The following PCCA variants were observed in gnomAD, a reference collection of about 807,000 sequenced individuals.
PCCA encodes the protein propionyl-CoA carboxylase alpha chain, mitochondrial.
Under a neutral mutation model 101.3 loss-of-function variants are expected in PCCA, and 74 were observed. The ratio of observed to expected loss-of-function variants is 0.73; its 90% CI spans 0.61 to 0.89. The LOEUF is 0.89. Ranked by LOEUF, PCCA falls within the 40% of genes least tolerant of loss-of-function variation. The pLI is 0.00. For missense variants in PCCA, 891 were observed against 907.0 expected (o/e 0.98, Z 0.23); for synonymous variants, 294 against 313.6 (o/e 0.94, Z 0.66).
At chr13:100,509,846 G>GTTTTGTTTTA (rs756609879) in intron 21 of PCCA, among the ~76,000 whole-genome samples, 3 of 151,542 alleles carry the variant, frequency 2.0e-5, no homozygotes. Flanking sequence ...GTTTTGTTTT[G>GTTTTGTTTTA]TTTTGTTTTG....
At chr13:100,120,339 C>T (rs1041559179) in intron 4 of PCCA, among the ~76,000 whole-genome samples, 4 of 152,040 alleles carry the variant, frequency 2.6e-5, no homozygotes, top group Non-Finnish European at 5.9e-5. Flanking sequence ...CCGTTGTGCC[C>T]TGCTTCCTTT....
chr13:100,290,235 A>G (rs747976116), intron 12 of PCCA, among the ~76,000 whole-genome samples: 1 of 151,592 alleles, frequency 6.6e-6, no homozygotes, highest in Non-Finnish European at 1.5e-5. Context: ...TTCTTGAGAC[A>G]GGGCCTCATC....
chr13:100,341,056 G>T (rs1220424224), intron 18 of PCCA, among the ~76,000 whole-genome samples: 2 of 152,176 alleles, frequency 1.3e-5, no homozygotes, highest in Non-Finnish European at 1.5e-5. Context: ...TATCTTAGTG[G>T]CTAATGTGGT....
Position 100,262,772 on chromosome 13 carries a change from G to C in PCCA, c.760G>C (p.Gly254Arg). Residue 254 changes from glycine to arginine, a missense_variant, in exon 10 of 24, where the codon GGC (glycine) becomes CGC (arginine). Transcript: ENST00000376285. ...ATCTCAAGAAGCTGCTTCTAGTTTTGGCGATGATAGACTACTAATAGAAAA... is the reference window on the plus strand; with the variant it reads ...ATCTCAAGAAGCTGCTTCTAGTTTTCGCGATGATAGACTACTAATAGAAAA... ...LSSQEAASSF[G>R]DDRLLIEKFI... The C allele has an allele frequency of 6.9e-7, 1 of 1,441,064 alleles. No individual in the cohort carries two copies. Among genetic ancestry groups the C allele is most frequent in the Non-Finnish European group, 9.3e-7 (1 of 1,069,748 alleles). 89.3% of individuals were successfully genotyped at this position (1,441,064 alleles called of 1,614,324 possible).
intron 16 of PCCA, among the ~76,000 whole-genome samples, chr13:100,325,703 G>A (rs2068598717): frequency 6.6e-6 from 1 of 152,150 alleles, no homozygotes; most frequent in African/African-American, 2.4e-5. Context: ...AGCCTTGAAG[G>A]AAAATGATAA....
In PCCA at chr13:100,499,848, G is replaced by C. The variant is rs9557440; in HGVS notation, c.1900-15579G>C. On this transcript the variant is annotated intron_variant, in intron 21 of 23. Coordinates refer to ENST00000376285, the MANE Select transcript of PCCA (RefSeq NM_000282.4). Reference sequence around the variant, plus strand: ...AGAAGCAAAGGAAAAAATATTTCTTGTGTTTCTAATTCACAGGTTGCTTGA... The same window carrying C: ...AGAAGCAAAGGAAAAAATATTTCTTCTGTTTCTAATTCACAGGTTGCTTGA... 4.4e-3 allele frequency among the ~76,000 whole-genome samples: 668 copies of C among 152,250 alleles called. 34 individuals are homozygous for C. The East Asian group carries it at 0.099, about 23-fold the overall frequency.
intron 21 of PCCA, among the ~76,000 whole-genome samples, chr13:100,494,200 A>AT (rs1384020641): frequency 1.3e-5 from 2 of 152,080 alleles, no homozygotes; most frequent in African/African-American, 4.8e-5. Flanking sequence ...AAATAAATAA[A>AT]TAAATAAATA....
Position 100,491,500 on chromosome 13 carries a change from C to T in PCCA, c.1900-23927C>T. Reference sequence around the variant, plus strand: ...GGCAAAAATGGAAAGGGTAATTTACCAAAAAAGAAGAAAATAGATAAAAAG... The same window carrying T: ...GGCAAAAATGGAAAGGGTAATTTACTAAAAAAGAAGAAAATAGATAAAAAG... On this transcript the variant is annotated intron_variant, in intron 21 of 23. Transcript: ENST00000376285. 9 of 364,922 alleles carry T rather than the reference C, an allele frequency of 2.5e-5. No individual in the cohort carries two copies. The South Asian group carries it at 2.5e-4, about 10-fold the overall frequency. 22.6% of individuals were successfully genotyped at this position (364,922 alleles called of 1,614,324 possible).
At chr13:100,460,729 C>T (rs2082111957) in intron 21 of PCCA, among the ~76,000 whole-genome samples, 1 of 151,978 alleles carries the variant, frequency 6.6e-6, no homozygotes, top group African/African-American at 2.4e-5. Flanking sequence ...TTAATATGAC[C>T]CTTGATACAC....
intron 6 of PCCA, among the ~76,000 whole-genome samples, chr13:100,158,354 T>C (rs563757867): frequency 8.3e-4 from 127 of 152,344 alleles, no homozygotes; most frequent in African/African-American, 2.8e-3. Context: ...GTTGTTATTT[T>C]CTAGATGGAA....
intron 18 of PCCA, among the ~76,000 whole-genome samples, chr13:100,341,157 G>A (rs903778805): frequency 6.6e-6 from 1 of 152,128 alleles, no homozygotes; most frequent in African/African-American, 2.4e-5. Flanking sequence ...CTTTTTAAAA[G>A]TTATGATTTG....
At chr13:100,169,676 C>T (rs185509703) in intron 6 of PCCA, among the ~76,000 whole-genome samples, 221 of 149,336 alleles carry the variant, frequency 1.5e-3, no homozygotes, top group African/African-American at 5.2e-3. Context: ...TACAGGTGAG[C>T]GCCACCATGC....
intron 20 of PCCA, among the ~76,000 whole-genome samples, chr13:100,444,300 G>A (rs1375472768): frequency 6.6e-6 from 1 of 150,904 alleles, no homozygotes; most frequent in African/African-American, 2.4e-5. Context: ...CACCTCCCAG[G>A]TTCAAGTGAT....
At chr13:100,514,293 C>T (rs547144182) in intron 21 of PCCA, among the ~76,000 whole-genome samples, 31 of 152,278 alleles carry the variant, frequency 2.0e-4, no homozygotes, top group African/African-American at 7.5e-4. Context: ...AGCTCTGCCC[C>T]CACCCTTTTC....
intron 21 of PCCA, among the ~76,000 whole-genome samples, chr13:100,506,121 T>C (rs1189615962): frequency 6.6e-6 from 1 of 152,132 alleles, no homozygotes; most frequent in Admixed American, 6.5e-5. Flanking sequence ...GCCTGTTGGC[T>C]TCAGAGACTT....
At chr13:100,325,674 G>A (rs1282547996) in intron 16 of PCCA, among the ~76,000 whole-genome samples, 2 of 152,296 alleles carry the variant, frequency 1.3e-5, no homozygotes, top group African/African-American at 2.4e-5. Flanking sequence ...GCACTTATCT[G>A]TGAAGCTGCT....
rs372688313 is a variant in PCCA, at chr13:100,284,877, C to G, written c.1065+11531C>G. On this transcript the variant is annotated intron_variant, in intron 12 of 23. Coordinates refer to ENST00000376285, the MANE Select transcript of PCCA (RefSeq NM_000282.4). The stretch of plus-strand genomic sequence containing the variant: ...GTTTGGTCAGGCCCTAGCCCAAGAT[C>G]TAGGCCACTTCTCAAGTCCAGGCAC... 2.5e-3 allele frequency among the ~76,000 whole-genome samples: 384 copies of G among 152,352 alleles called. 2 individuals are homozygous for G. The highest frequency in any genetic ancestry group is 8.9e-3 in the African/African-American group (370 of 41,580).
chr13:100,397,558 GT>G (rs539516788), intron 19 of PCCA, among the ~76,000 whole-genome samples: 2 of 151,982 alleles, frequency 1.3e-5, no homozygotes, highest in African/African-American at 2.4e-5. Context: ...TTGATTCAGT[GT>G]TTTTTTTGAA....
At chr13:100,190,278 A>G (rs148360842) in intron 6 of PCCA, among the ~76,000 whole-genome samples, 1 of 152,226 alleles carries the variant, frequency 6.6e-6, no homozygotes, top group Non-Finnish European at 1.5e-5. Flanking sequence ...AGTAAGGCCA[A>G]AAATTCAAAA....
Sources: gnomAD v4.1 joint callset for allele counts (sites outside exome capture counted in the v4.1 genomes callset) on GRCh38, gnomAD v4.1.1 for gene constraint, MANE v1.5 for transcripts, NCBI Gene and HGNC (gene_info 2026-07-23, HGNC 2026-07-21) for gene names.